Variants in ALS2 observed in about 807,000 individuals in gnomAD.
ALS2 encodes alsin Rho guanine nucleotide exchange factor ALS2.
A neutral mutation model predicts 203.4 loss-of-function variants in ALS2; 117 were observed. The observed-to-expected ratio is 0.58, with a 90% CI of 0.50 to 0.67. The LOEUF (loss-of-function observed/expected upper bound fraction) is 0.67, where lower values mean the gene tolerates loss of function less well. Ranked by LOEUF, ALS2 falls within the 30% of genes least tolerant of loss-of-function variation. The pLI, the probability that ALS2 is intolerant of heterozygous loss-of-function variation, is 0.00. For synonymous variants in ALS2, 718 were observed against 725.9 expected (o/e 0.99, Z 0.17); for missense variants, 1,715 against 1,989.4 (o/e 0.86, Z 2.62).
At chr2:201,771,498 G>A (rs1222720501) in intron 1 of ALS2, among the ~76,000 whole-genome samples, 1 of 152,116 alleles carries the variant, frequency 6.6e-6, no homozygotes, top group African/African-American at 2.4e-5. Context: ...ACTAAATGTG[G>A]GGATCTTATG....
intron 14 of ALS2, 99 bp from the exon 15 acceptor site, chr2:201,728,739 T>A: frequency 7.0e-7 from 1 of 1,429,556 alleles, no homozygotes; most frequent in East Asian, 2.3e-5. Context: ...TAAGGGAATT[T>A]GCTGGTCGTA....
intron 15 of ALS2, 40 bp from the exon 16 acceptor site, chr2:201,727,815 T>C (rs1174283120): frequency 2.9e-5 from 45 of 1,533,314 alleles, no homozygotes; most frequent in Non-Finnish European, 4.0e-5. Flanking sequence ...TGAAAGCCCA[T>C]GTAGACCTCG....
intron 17 of ALS2, 145 bp from the exon 18 acceptor site, chr2:201,727,011 T>C: frequency 1.1e-6 from 1 of 889,410 alleles, no homozygotes. Context: ...CTGGCTCTTG[T>C]ATTTCTCTGC....
At chr2:201,723,292 A>G in intron 22 of ALS2, 38 bp downstream of exon 22, 2 of 1,533,188 alleles carry the variant, frequency 1.3e-6, no homozygotes, top group Admixed American at 1.7e-5. Flanking sequence ...AGGAGCTTTA[A>G]AAAGTTAGTA....
chr2:201,706,921 T>A lies in ALS2; in HGVS notation c.4505A>T (p.Asp1502Val). Reference protein sequence around the residue: ...LYALDNDREEDIYWECVLRLN... With the variant: ...LYALDNDREEVIYWECVLRLN... ...TCGAAGGACACATTCCCAGTAAATGTCTTCCTCGCGATCATTATCCAAAGC... is the reference window on the plus strand; with the variant it reads ...TCGAAGGACACATTCCCAGTAAATGACTTCCTCGCGATCATTATCCAAAGC... Residue 1502 changes from aspartate to valine, a missense_variant, in exon 29 of 34, where the codon GAC becomes GTC. This residue lies in a region of ALS2 where 1,227 missense variants were observed against 1,413.5 expected (regional missense o/e 0.87). Transcript: ENST00000264276. 1 of 1,614,120 alleles carries A rather than the reference T, an allele frequency of 6.2e-7. No individual in the cohort carries two copies. Among genetic ancestry groups the A allele is most frequent in the Non-Finnish European group, 8.5e-7 (1 of 1,179,988 alleles).
chr2:201,757,811 C>G (rs552614799), intron 4 of ALS2, 52 bp from the exon 5 acceptor site: 14 of 1,364,846 alleles, frequency 1.0e-5, no homozygotes, highest in African/African-American at 2.9e-5. Flanking sequence ...CCTTATGCAA[C>G]AAGCAATCAA....
At chr2:201,740,095 C>T (rs1692170774) in intron 11 of ALS2, among the ~76,000 whole-genome samples, 1 of 152,054 alleles carries the variant, frequency 6.6e-6, no homozygotes, top group Non-Finnish European at 1.5e-5. Flanking sequence ...CAGGCTGAGG[C>T]AGGAGGATAA....
intron 4 of ALS2, chr2:201,759,468 T>A: frequency 1.1e-6 from 1 of 948,538 alleles, no homozygotes; most frequent in South Asian, 4.9e-5. Flanking sequence ...TTAAATAAAT[T>A]AAATTTAATT....
intron 5 of ALS2, 151 bp from the exon 6 acceptor site, chr2:201,754,822 G>C: frequency 2.5e-6 from 2 of 812,204 alleles, no homozygotes; most frequent in Non-Finnish European, 3.9e-6. Context: ...AAGGGGACCT[G>C]TTAGTCAAAT....
At chr2:201,726,914 A>C in intron 17 of ALS2, 48 bp from the exon 18 acceptor site, 1 of 1,512,252 alleles carries the variant, frequency 6.6e-7, no homozygotes, top group South Asian at 1.2e-5. Context: ...CAATTCATCA[A>C]GCATTGCTTT....
Position 201,756,511 on chromosome 2 carries a change from A to T in ALS2, c.1471+891T>A, listed in dbSNP as rs577230590. Among the ~76,000 whole-genome samples, 10 of 115,936 alleles carry T rather than the reference A, an allele frequency of 8.6e-5. No individual in the cohort carries two copies. In the South Asian group the frequency reaches 3.3e-3, roughly 39 times the overall value. The allele number at this position is 115,936 out of a possible 152,430, so 76.1% of individuals were successfully genotyped here. On this transcript the variant is annotated intron_variant, in intron 5 of 33. Transcript: ENST00000264276. Reference sequence around the variant, plus strand: ...AGCTTTGCACAAAATCATGTAAACCAGGAGTTGGTCAATTATAGCCCATGG... The same window carrying T: ...AGCTTTGCACAAAATCATGTAAACCTGGAGTTGGTCAATTATAGCCCATGG...
chr2:201,745,775 C>T (rs1036863650), intron 9 of ALS2, among the ~76,000 whole-genome samples: 1 of 151,990 alleles, frequency 6.6e-6, no homozygotes, highest in African/African-American at 2.4e-5. Flanking sequence ...GTGGTGAAAC[C>T]CCGTCTCTAC....
chr2:201,760,853 CTTTTA>C (rs754434333), intron 4 of ALS2, 23 bp downstream of exon 4: 5 of 1,602,312 alleles, frequency 3.1e-6, no homozygotes, highest in African/African-American at 2.7e-5. Context: ...TCTAGACACA[CTTTTA>C]TTTTATAAAA....
At chr2:201,713,133 C>CCTTTTCTTTTCT (rs1690140915) in intron 25 of ALS2, among the ~76,000 whole-genome samples, 1 of 96,256 alleles carries the variant, frequency 1.0e-5, no homozygotes, top group African/African-American at 3.9e-5. Context: ...CTTTTCTTTT[C>CCTTTTCTTTTCT]TTTTTTTTTT....
chr2:201,744,875 C>G (rs1692528163), intron 9 of ALS2, among the ~76,000 whole-genome samples: 1 of 152,126 alleles, frequency 6.6e-6, no homozygotes, highest in African/African-American at 2.4e-5. Flanking sequence ...GGGAGGATCT[C>G]TATGCTATAT....
intron 32 of ALS2, 63 bp from the exon 33 acceptor site, chr2:201,704,281 CT>C: frequency 6.5e-7 from 1 of 1,532,324 alleles, no homozygotes; most frequent in Non-Finnish European, 9.0e-7. Context: ...CCTTTTGAAT[CT>C]AGTTGATGGG....
At chr2:201,767,628 CGAGGCAGGCA>C (rs1372813196) in intron 2 of ALS2, among the ~76,000 whole-genome samples, 1 of 151,176 alleles carries the variant, frequency 6.6e-6, no homozygotes, top group African/African-American at 2.4e-5. Flanking sequence ...TTTGGGAGGC[CGAGGCAGGCA>C]GATCACAAGG....
In ALS2 at chr2:201,750,852, CTTTTTTT is replaced by C. The variant is rs550778369; in HGVS notation, c.1738-1070_1738-1064del. The stretch of plus-strand genomic sequence containing the variant: ...TACTGAATTAAGTTCTTTCCAATTC[CTTTTTTT>C]TTTTTTTTTTGGAAGCAGAGTCTCG... On this transcript the variant is annotated intron_variant, in intron 7 of 33. Coordinates refer to ENST00000264276, the MANE Select transcript of ALS2 (RefSeq NM_020919.4). 1.1e-4 allele frequency among the ~76,000 whole-genome samples: 15 copies of C among 137,522 alleles called. No individual in the cohort carries two copies. The South Asian group carries it at 1.2e-3, about 11-fold the overall frequency. 90.2% of individuals were successfully genotyped at this position (137,522 alleles called of 152,430 possible).
intron 24 of ALS2, among the ~76,000 whole-genome samples, chr2:201,717,221 T>G (rs1216013471): frequency 6.6e-6 from 1 of 152,020 alleles, no homozygotes; most frequent in Non-Finnish European, 1.5e-5. Flanking sequence ...TCCCAGCACT[T>G]TGAGAGGCCA....
Sources: gnomAD v4.1 joint callset for allele counts (sites outside exome capture counted in the v4.1 genomes callset) on GRCh38, gnomAD v4.1.1 for gene constraint, gnomAD v4.1.1 regional missense constraint, MANE v1.5 for transcripts, NCBI Gene and HGNC (gene_info 2026-07-23, HGNC 2026-07-21) for gene names.